The following CACNA1D variants were observed in gnomAD, a reference collection of about 807,000 sequenced individuals.
CACNA1D encodes the protein calcium voltage-gated channel subunit alpha1 D.
Under a neutral mutation model 257.1 loss-of-function variants are expected in CACNA1D, and 55 were observed. That is an observed-to-expected ratio of 0.21 (90% CI 0.17 to 0.27). The LOEUF (loss-of-function observed/expected upper bound fraction) is 0.27, where lower values mean the gene tolerates loss of function less well. CACNA1D is among the 10% of genes least tolerant of loss of function. The pLI, the probability that CACNA1D is intolerant of heterozygous loss-of-function variation, is 1.00. For synonymous variants in CACNA1D, 980 were observed against 1,014.9 expected (o/e 0.97, Z 0.65); for missense variants, 1,876 against 2,784.0 (o/e 0.67, Z 7.34).
chr3:53,606,539 C>T (rs2093513098), intron 3 of CACNA1D, among the ~76,000 whole-genome samples: 2 of 152,198 alleles, frequency 1.3e-5, no homozygotes, highest in Admixed American at 6.5e-5. Context: ...ATGACAGGCA[C>T]CTAGAATCTG....
At chr3:53,510,671 C>T (rs2091068195) in intron 3 of CACNA1D, among the ~76,000 whole-genome samples, 1 of 152,198 alleles carries the variant, frequency 6.6e-6, no homozygotes, top group Non-Finnish European at 1.5e-5. Flanking sequence ...TCTTTTACCT[C>T]ACACCACATC....
chr3:53,638,945 AC>A (rs1271459689), intron 3 of CACNA1D, among the ~76,000 whole-genome samples: 1 of 152,204 alleles, frequency 6.6e-6, no homozygotes, highest in Non-Finnish European at 1.5e-5. Flanking sequence ...GATGTGACTT[AC>A]GTGAGACAAC....
At position 53,745,022 on chromosome 3, in the gene CACNA1D, G is replaced by T. The variant is rs574321169; in HGVS notation, c.3006+195G>T. 2.6e-4 allele frequency among the ~76,000 whole-genome samples: 39 copies of T among 152,246 alleles called. No homozygotes were observed. The East Asian group carries it at 6.8e-3, about 26-fold the overall frequency. On this transcript the variant is annotated intron_variant, in intron 23 of 47. Transcript: ENST00000350061. ...TTATTATTTATTGTCTTTATTTTTGGTAATTGAAGATATTTTTCTTTGTAA... is the reference window on the plus strand; with the variant it reads ...TTATTATTTATTGTCTTTATTTTTGTTAATTGAAGATATTTTTCTTTGTAA...
intron 3 of CACNA1D, among the ~76,000 whole-genome samples, chr3:53,637,755 G>A (rs1028147581): frequency 6.6e-6 from 1 of 152,128 alleles, no homozygotes; most frequent in African/African-American, 2.4e-5. Context: ...GCTCAGTGTG[G>A]GTCTCCCGAG....
chr3:53,729,306 C>T (rs1192142066), intron 15 of CACNA1D, among the ~76,000 whole-genome samples: 1 of 152,210 alleles, frequency 6.6e-6, no homozygotes, highest in East Asian at 1.9e-4. Flanking sequence ...GCTATTCCCT[C>T]ACAGAGATTT....
At chr3:53,668,554 G>A (rs1559491694) in intron 7 of CACNA1D, among the ~76,000 whole-genome samples, 1 of 152,196 alleles carries the variant, frequency 6.6e-6, no homozygotes, top group African/African-American at 2.4e-5. Context: ...ATCCCAGTCT[G>A]TATCCCTTTA....
At chr3:53,738,976 G>T (rs780723621) in intron 20 of CACNA1D, among the ~76,000 whole-genome samples, 5 of 152,000 alleles carry the variant, frequency 3.3e-5, no homozygotes, top group African/African-American at 4.8e-5. Context: ...ACCTTCCATA[G>T]CCTGGCCAAG....
intron 3 of CACNA1D, among the ~76,000 whole-genome samples, chr3:53,611,867 A>G (rs1393169587): frequency 6.6e-6 from 1 of 152,166 alleles, no homozygotes; most frequent in Non-Finnish European, 1.5e-5. Context: ...AACTCTCCTA[A>G]TGTATCACAA....
chr3:53,744,834 A>T lies in CACNA1D; in HGVS notation c.3006+7A>T. 6.5e-7 allele frequency: 1 copy of T among 1,545,472 alleles called. No homozygotes were observed. Among genetic ancestry groups the T allele is most frequent in the Non-Finnish European group, 8.9e-7 (1 of 1,117,538 alleles). On this transcript the variant is annotated splice_region_variant and intron_variant, in intron 23 of 47. Coordinates refer to ENST00000350061, the MANE Select transcript of CACNA1D (RefSeq NM_001128840.3). The stretch of plus-strand genomic sequence containing the variant: ...CAGAGCAAAAGGACTTAAGGTTTTG[A>T]TTCCTCTCCTCCCGGCTGGGCTGGC...
At chr3:53,522,826 A>G (rs533682832) in intron 3 of CACNA1D, among the ~76,000 whole-genome samples, 36 of 152,282 alleles carry the variant, frequency 2.4e-4, no homozygotes, top group South Asian at 1.2e-3. Flanking sequence ...ATTATTAACT[A>G]TTAGTCACCC....
At chr3:53,655,292 C>A (rs1239258190) in intron 4 of CACNA1D, among the ~76,000 whole-genome samples, 1 of 152,150 alleles carries the variant, frequency 6.6e-6, no homozygotes, top group Admixed American at 6.5e-5. Flanking sequence ...ATGCATGTGT[C>A]TTTATGGTAG....
intron 8 of CACNA1D, among the ~76,000 whole-genome samples, chr3:53,677,556 A>G (rs1483025544): frequency 6.6e-6 from 1 of 152,044 alleles, no homozygotes; most frequent in Non-Finnish European, 1.5e-5. Flanking sequence ...GGTGCAGGGT[A>G]CTCTTTGGAA....
intron 3 of CACNA1D, among the ~76,000 whole-genome samples, chr3:53,617,496 T>C (rs568858646): frequency 3.2e-4 from 49 of 152,314 alleles, no homozygotes; most frequent in Admixed American, 7.8e-4. Context: ...AGGGGTGTTA[T>C]GACAATTAAG....
intron 23 of CACNA1D, among the ~76,000 whole-genome samples, chr3:53,745,263 C>G (rs546189025): frequency 1.3e-5 from 2 of 149,842 alleles, no homozygotes; most frequent in Non-Finnish European, 3.0e-5. Flanking sequence ...TTCTTTGAAA[C>G]GGAGTCTTGC....
intron 3 of CACNA1D, 126 bp from the exon 4 acceptor site, chr3:53,650,653 G>A: frequency 1.0e-6 from 1 of 1,002,982 alleles, no homozygotes; most frequent in South Asian, 1.4e-5. Flanking sequence ...TTCTCATAAT[G>A]AAACTTTGTT....
At position 53,800,067 on chromosome 3, in the gene CACNA1D, TG is replaced by T; in HGVS notation, c.4924-180del. On this transcript the variant is annotated intron_variant, in intron 40 of 47. Coordinates refer to ENST00000350061, the MANE Select transcript of CACNA1D (RefSeq NM_001128840.3). This position sits in a 1 kb window ranked among gnomAD's most constrained non-coding sequence, Gnocchi z 4.3. ...CCTACCTAGGACCTTCTTGACCCTC[TG>T]GATGCCTGACCATACCAACAACCCT... is the stretch of plus-strand genomic sequence containing the variant. 1.4e-6 allele frequency: 1 copy of T among 704,208 alleles called. No homozygotes were observed. The allele number at this position is 704,208 out of a possible 1,614,324, so 43.6% of individuals were successfully genotyped here. A position where few individuals can be genotyped will look rare whatever the true frequency, so the allele number is the denominator to read the frequency against.
intron 2 of CACNA1D, among the ~76,000 whole-genome samples, chr3:53,501,183 C>G (rs558934630): frequency 1.4e-4 from 22 of 152,342 alleles, no homozygotes; most frequent in African/African-American, 5.0e-4. Flanking sequence ...ATGGCTCTAA[C>G]ACATGGAGGC....
At position 53,762,072 on chromosome 3, in the gene CACNA1D, C is replaced by T. The variant is rs999494600; in HGVS notation, c.3861C>T (p.Ser1287=). 16 of 1,609,850 alleles carry T rather than the reference C, an allele frequency of 9.9e-6. No individual in the cohort carries two copies. The highest frequency in any genetic ancestry group is 5.0e-5 in the Admixed American group (3 of 60,000). Residue 1287 remains serine (S), a synonymous_variant, in exon 30 of 48, where the codon AGC becomes AGT. Coordinates refer to ENST00000350061, the MANE Select transcript of CACNA1D (RefSeq NM_001128840.3). ...GCAGCATTATAGACGTGGCCCTCAG[C>T]GAAGCAGACGTGAGTATGCACCTGG... The part of the protein sequence containing the change: ...VIGSIIDVAL[S]EADPTESENV...
At chr3:53,627,601 G>A (rs2093774119) in intron 3 of CACNA1D, among the ~76,000 whole-genome samples, 1 of 129,022 alleles carries the variant, frequency 7.8e-6, no homozygotes, top group Admixed American at 8.7e-5. Flanking sequence ...ACTAGCCTGT[G>A]GCTGTGGATG....
Sources: allele counts gnomAD v4.1 joint callset (sites outside exome capture counted in the v4.1 genomes callset), GRCh38; gene constraint gnomAD v4.1.1; non-coding constraint Gnocchi (gnomAD v3.1); transcripts MANE v1.5; gene names NCBI Gene and HGNC (gene_info 2026-07-23, HGNC 2026-07-21).